Variants in SLC22A24 observed in about 807,000 individuals in gnomAD.
The protein encoded by SLC22A24 is steroid transmembrane transporter SLC22A24.
A neutral mutation model predicts 49.8 loss-of-function variants in SLC22A24; 53 were observed. The observed-to-expected ratio is 1.06, with a 90% confidence interval of 0.85 to 1.34. The LOEUF is 1.34. SLC22A24 is among the 40% of genes most tolerant of loss of function. The pLI is 0.00. For synonymous variants in SLC22A24, 302 were observed against 256.4 expected, an observed-to-expected ratio of 1.18 and a Z score of -1.70; for missense variants, 786 against 675.9, an observed-to-expected ratio of 1.16 and a Z score of -1.81.
chr11:63,110,039 G>A (rs527930717), intron 4 of SLC22A24, among the ~76,000 whole-genome samples: 28 of 152,200 alleles, frequency 1.8e-4, no homozygotes, highest in African/African-American at 6.7e-4. Context: ...GTGTAAGGTA[G>A]GGATCCAGTT....
At chr11:63,106,260 A>C (rs2087121198) in intron 4 of SLC22A24, among the ~76,000 whole-genome samples, 1 of 151,588 alleles carries the variant, frequency 6.6e-6, no homozygotes, top group African/African-American at 2.4e-5. Flanking sequence ...AAGGACATGA[A>C]CTCATCATTT....
chr11:63,135,854 C>A (rs1254774628), intron 1 of SLC22A24, among the ~76,000 whole-genome samples: 2 of 152,146 alleles, frequency 1.3e-5, no homozygotes, highest in African/African-American at 4.8e-5. Flanking sequence ...AGAAGTTTTG[C>A]AAAGGAGACG....
intron 4 of SLC22A24, among the ~76,000 whole-genome samples, chr11:63,109,652 G>T (rs2087147959): frequency 1.3e-5 from 2 of 151,822 alleles, no homozygotes; most frequent in Admixed American, 6.6e-5. Context: ...CTTCTTTTGA[G>T]AAGTGTCTGT....
chr11:63,083,149 A>T, intron 7 of SLC22A24, 94 bp downstream of exon 7: 1 of 995,534 alleles, frequency 1.0e-6, no homozygotes, highest in Non-Finnish European at 1.5e-6. Context: ...GTCAAGGGCA[A>T]TGCTGTTCTT....
intron 2 of SLC22A24, among the ~76,000 whole-genome samples, chr11:63,122,387 G>A (rs1376373963): frequency 1.3e-5 from 2 of 152,068 alleles, no homozygotes; most frequent in South Asian, 4.2e-4. Flanking sequence ...ACATCAATGA[G>A]GATTATCCTT....
chr11:63,090,101 A>G (rs995997246), intron 6 of SLC22A24, among the ~76,000 whole-genome samples: 8 of 151,276 alleles, frequency 5.3e-5, no homozygotes, highest in African/African-American at 1.7e-4. Context: ...AAAAAAAAAA[A>G]AAAAGACAAA....
intron 7 of SLC22A24, among the ~76,000 whole-genome samples, chr11:63,082,897 G>GC (rs1379585812): frequency 1.3e-5 from 2 of 152,250 alleles, no homozygotes; most frequent in African/African-American, 4.8e-5. Context: ...GCAAGGCCTA[G>GC]CCCCTCCACA....
chr11:63,091,049 A>G (rs748470689), intron 6 of SLC22A24, among the ~76,000 whole-genome samples: 11 of 151,766 alleles, frequency 7.2e-5, no homozygotes, highest in Non-Finnish European at 3.0e-5. Context: ...AGACTAATAA[A>G]GAAGAAAAGA....
chr11:63,106,940 C>T (rs1006232117), intron 4 of SLC22A24, among the ~76,000 whole-genome samples: 1 of 152,112 alleles, frequency 6.6e-6, no homozygotes, highest in Non-Finnish European at 1.5e-5. Context: ...TTAATTAGAT[C>T]CCGTCTGTGA....
chr11:63,092,674 C>G (rs1467439531), intron 6 of SLC22A24, among the ~76,000 whole-genome samples: 1 of 149,422 alleles, frequency 6.7e-6, no homozygotes, highest in Admixed American at 6.7e-5. Context: ...TTTCCTACAC[C>G]TTATATAAAA....
At chr11:63,104,323 AT>A in intron 4 of SLC22A24, 25 bp from the exon 5 acceptor site, 2 of 1,530,000 alleles carry the variant, frequency 1.3e-6, no homozygotes, top group Non-Finnish European at 1.8e-6. Context: ...CAACATAGGT[AT>A]AGTAAACAAT....
intron 6 of SLC22A24, among the ~76,000 whole-genome samples, chr11:63,083,960 A>G (rs1180940043): frequency 6.6e-6 from 1 of 152,070 alleles, no homozygotes; most frequent in Non-Finnish European, 1.5e-5. Flanking sequence ...ATCCCTGGAG[A>G]ATGGGGGTAA....
At chr11:63,083,573 A>G (rs1273995897) in intron 6 of SLC22A24, 116 bp from the exon 7 acceptor site, 1 of 803,318 alleles carries the variant, frequency 1.2e-6, no homozygotes, top group Non-Finnish European at 1.9e-6. Flanking sequence ...CCAATTGGCA[A>G]ATGGTGTTTT....
intron 5 of SLC22A24, among the ~76,000 whole-genome samples, chr11:63,103,634 G>T (rs1031134679): frequency 1.3e-5 from 2 of 152,098 alleles, no homozygotes; most frequent in Non-Finnish European, 2.9e-5. Context: ...TGTTTTTCTG[G>T]CACACACAAT....
intron 4 of SLC22A24, chr11:63,116,007 T>C (rs987838907): frequency 6.1e-6 from 2 of 330,062 alleles, no homozygotes; most frequent in Middle Eastern, 1.0e-3. Flanking sequence ...CTTGACAACA[T>C]GGGCAAGAGC....
intron 1 of SLC22A24, among the ~76,000 whole-genome samples, 175 bp from the exon 2 acceptor site, chr11:63,134,943 C>T (rs960843774): frequency 6.6e-6 from 1 of 152,146 alleles, no homozygotes; most frequent in African/African-American, 2.4e-5. Context: ...TCTAAAAATA[C>T]TAAACTTATT....
intron 6 of SLC22A24, 66 bp from the exon 7 acceptor site, chr11:63,083,523 G>C (rs920794067): frequency 2.3e-6 from 3 of 1,323,848 alleles, no homozygotes; most frequent in Non-Finnish European, 3.1e-6. Flanking sequence ...CATTTTCTGA[G>C]ATTTTGAAGG....
chr11:63,104,090 C>T lies in SLC22A24; in HGVS notation c.954+85G>A, dbSNP rs936907689. ...AGACTCCACTCACAGAAGTCTAATT[C>T]TGTCACTCCAGGAACCTAGACTAGT... On this transcript the variant is annotated intron_variant, in intron 5 of 9. Transcript: ENST00000612278. The T allele has an allele frequency of 4.3e-6, 6 of 1,404,952 alleles. No individual in the cohort carries two copies. The African/African-American group carries it at 7.2e-5, about 17-fold the overall frequency. 87.0% of individuals were successfully genotyped at this position (1,404,952 alleles called of 1,614,324 possible). A position where few individuals can be genotyped will look rare whatever the true frequency, so the allele number is the denominator to read the frequency against.
intron 1 of SLC22A24, among the ~76,000 whole-genome samples, chr11:63,139,053 A>G (rs1780805771): frequency 6.6e-6 from 1 of 152,242 alleles, no homozygotes; most frequent in Non-Finnish European, 1.5e-5. Flanking sequence ...GTTAAAAGTC[A>G]GCTTAATTAA....
Sources: gnomAD v4.1 joint callset for allele counts (sites outside exome capture counted in the v4.1 genomes callset) on GRCh38, gnomAD v4.1.1 for gene constraint, MANE v1.5 for transcripts, NCBI Gene and HGNC (gene_info 2026-07-23, HGNC 2026-07-21) for gene names.